SHANK2: variants seen among roughly 807,000 people sequenced by gnomAD.
SHANK2 encodes SH3 and multiple ankyrin repeat domains protein 2.
In SHANK2, 43 loss-of-function variants were observed where a neutral mutation model predicts 133.7. That is an observed-to-expected ratio of 0.32 (90% CI 0.25 to 0.41). The LOEUF is 0.41. Among genes scored for constraint, SHANK2 ranks in the 10% least tolerant of loss-of-function variants. The pLI is 1.00. For missense variants in SHANK2, 1,994 were observed against 2,235.8 expected, an observed-to-expected ratio of 0.89 and a Z score of 2.18; for synonymous variants, 1,017 against 952.8, an observed-to-expected ratio of 1.07 and a Z score of -1.24.
chr11:70,507,829 C>T (rs1249950010), intron 17 of SHANK2, among the ~76,000 whole-genome samples: 35 of 152,200 alleles, frequency 2.3e-4, no homozygotes, highest in African/African-American at 2.4e-5. Context: ...CAGTGACGCG[C>T]GTTTGTAATT....
intron 14 of SHANK2, among the ~76,000 whole-genome samples, chr11:70,721,663 G>A (rs1325609780): frequency 1.3e-5 from 2 of 152,218 alleles, no homozygotes; most frequent in African/African-American, 4.8e-5. Context: ...TGCTGGGGAG[G>A]TACCACTGGC....
At chr11:70,892,354 G>A (rs577997004) in intron 11 of SHANK2, among the ~76,000 whole-genome samples, 10 of 146,486 alleles carry the variant, frequency 6.8e-5, no homozygotes, top group African/African-American at 2.7e-4. Flanking sequence ...CTCTAACTAT[G>A]GTGGGGGGGA....
chr11:70,682,725 G>A (rs1169579578), intron 15 of SHANK2, among the ~76,000 whole-genome samples: 1 of 152,192 alleles, frequency 6.6e-6, no homozygotes, highest in East Asian at 1.9e-4. Context: ...AGGAGGCCTG[G>A]AGCCCTTGTC....
rs1555094994 is a variant in SHANK2, at chr11:71,094,667, G to A, written c.614C>T (p.Ala205Val). 3 of 1,551,738 alleles carry A rather than the reference G, an allele frequency of 1.9e-6. No individual in the cohort carries two copies. The highest frequency in any genetic ancestry group is 2.0e-5 in the Admixed American group (1 of 50,978). The stretch of plus-strand genomic sequence containing the variant: ...GACCTCCACAGAGTCGTCCAGCTGA[G>A]CGGCTAAGGTCAGGGGGGTCTCTGA... Reference protein sequence around the residue: ...ETGETPLTLAAQLDDSVEVIK... With the variant: ...ETGETPLTLAVQLDDSVEVIK... The change falls in exon 7 of 26, where the codon GCT becomes GTT. Residue 205 changes from alanine to valine, a missense_variant. This residue lies in a region of SHANK2 where 653 missense variants were observed against 563.4 expected (regional missense o/e 1.16). Transcript: ENST00000601538.
intron 17 of SHANK2, among the ~76,000 whole-genome samples, chr11:70,505,418 C>T (rs900212532): frequency 2.6e-5 from 4 of 151,956 alleles, no homozygotes; most frequent in East Asian, 1.9e-4. Context: ...GCTCAGGAGC[C>T]GCGAGGCCAA....
intron 14 of SHANK2, among the ~76,000 whole-genome samples, chr11:70,752,428 A>C (rs1402872134): frequency 6.6e-6 from 1 of 152,226 alleles, no homozygotes; most frequent in Non-Finnish European, 1.5e-5. Flanking sequence ...GATTAAAAAA[A>C]ATCAATTCGG....
chr11:70,478,297 T>C (rs1405248268), intron 25 of SHANK2, among the ~76,000 whole-genome samples: 2 of 152,108 alleles, frequency 1.3e-5, no homozygotes, highest in Non-Finnish European at 2.9e-5. Flanking sequence ...TCTTTAACTG[T>C]AGCTGAACAT....
intron 2 of SHANK2, among the ~76,000 whole-genome samples, chr11:71,155,920 T>C (rs1244202629): frequency 6.6e-6 from 1 of 152,162 alleles, no homozygotes; most frequent in African/African-American, 2.4e-5. Flanking sequence ...ACAGGGCCTT[T>C]AAAAAGGTAC....
chr11:70,806,434 G>C (rs1389744278), intron 13 of SHANK2, among the ~76,000 whole-genome samples: 1 of 152,098 alleles, frequency 6.6e-6, no homozygotes, highest in African/African-American at 2.4e-5. Context: ...CTTCCCCCTG[G>C]GCAGAAACCA....
At chr11:70,556,780 T>C (rs2059837878) in intron 17 of SHANK2, among the ~76,000 whole-genome samples, 1 of 151,974 alleles carries the variant, frequency 6.6e-6, no homozygotes, top group Non-Finnish European at 1.5e-5. Context: ...TTAGTAGAGA[T>C]GGGGTTTCTC....
chr11:71,233,026 T>C (rs1954769243), intron 1 of SHANK2, among the ~76,000 whole-genome samples: 1 of 151,998 alleles, frequency 6.6e-6, no homozygotes, highest in African/African-American at 2.4e-5. Flanking sequence ...CACAAAAACA[T>C]GTAGGCCAGC....
chr11:70,661,588 G>A lies in SHANK2; in HGVS notation c.1936+8C>T. On this transcript the variant is annotated splice_region_variant and intron_variant, in intron 16 of 25. Transcript: ENST00000601538. ...GAACATATTCAGGCTCAGAGCGGCT[G>A]CTCTTACCTTTGGCCCCTCGAAGCA... is the stretch of plus-strand genomic sequence containing the variant. The A allele has an allele frequency of 6.2e-7, 1 of 1,609,978 alleles. No homozygotes were observed. The highest frequency in any genetic ancestry group is 8.5e-7 in the Non-Finnish European group (1 of 1,178,120).
At chr11:70,899,097 G>A (rs549798605) in intron 10 of SHANK2, among the ~76,000 whole-genome samples, 5 of 152,260 alleles carry the variant, frequency 3.3e-5, no homozygotes, top group South Asian at 2.1e-4. Context: ...AAAGACTTAC[G>A]GGCAGGACCA....
intron 10 of SHANK2, among the ~76,000 whole-genome samples, chr11:70,955,422 GGTGTGTGTGTGTGTGTGTGTGT>G (rs1186144718): frequency 3.4e-5 from 5 of 146,458 alleles, no homozygotes; most frequent in African/African-American, 1.3e-4. Context: ...AGACCCACGG[GGTGTGTGTGTGTGTGTGTGTGT>G]GTGTGTGTGT....
chr11:70,666,511 C>T (rs1045727336), intron 15 of SHANK2, among the ~76,000 whole-genome samples: 1 of 152,166 alleles, frequency 6.6e-6, no homozygotes, highest in African/African-American at 2.4e-5. Flanking sequence ...CGGCTGGGTC[C>T]GGAAGTTGTG....
At chr11:71,098,268 C>T (rs918796202) in intron 6 of SHANK2, among the ~76,000 whole-genome samples, 1 of 145,428 alleles carries the variant, frequency 6.9e-6, no homozygotes, top group Non-Finnish European at 1.5e-5. Context: ...TGTGCACATG[C>T]TTGTGTGTGT....
chr11:70,945,679 G>A (rs1950714580), intron 10 of SHANK2, among the ~76,000 whole-genome samples: 1 of 152,176 alleles, frequency 6.6e-6, no homozygotes, highest in South Asian at 2.1e-4. Context: ...GGGCAGGGTT[G>A]ACCTCAGGTG....
intron 1 of SHANK2, among the ~76,000 whole-genome samples, chr11:71,234,745 G>C (rs1170896823): frequency 6.6e-6 from 1 of 152,186 alleles, no homozygotes; most frequent in African/African-American, 2.4e-5. Flanking sequence ...CTGTCAAGGA[G>C]GGATGAGTGA....
At chr11:70,616,123 C>T (rs2060738213) in intron 17 of SHANK2, among the ~76,000 whole-genome samples, 1 of 152,198 alleles carries the variant, frequency 6.6e-6, no homozygotes, top group African/African-American at 2.4e-5. Flanking sequence ...AGCTGCTCAT[C>T]AGGATGGGGG....
Sources: allele counts gnomAD v4.1 joint callset (sites outside exome capture counted in the v4.1 genomes callset), GRCh38; gene constraint gnomAD v4.1.1; regional missense constraint gnomAD v4.1.1; transcripts MANE v1.5; gene names NCBI Gene and HGNC (gene_info 2026-07-23, HGNC 2026-07-21).